The following CACNG3 variants were observed in gnomAD, a reference collection of about 807,000 sequenced individuals.
The protein encoded by CACNG3 is calcium voltage-gated channel auxiliary subunit gamma 3.
In CACNG3, 3 loss-of-function variants were observed where a neutral mutation model predicts 28.5. The observed-to-expected ratio is 0.11, with a 90% confidence interval of 0.05 to 0.27. CACNG3 has a LOEUF of 0.27. Among genes scored for constraint, CACNG3 ranks in the 10% least tolerant of loss-of-function variants. CACNG3 has a pLI of 1.00. For synonymous variants in CACNG3, 174 were observed against 162.2 expected, an observed-to-expected ratio of 1.07 and a Z score of -0.55; for missense variants, 236 against 414.4, an observed-to-expected ratio of 0.57 and a Z score of 3.74.
At chr16:24,257,144 G>T (rs1021071553) in intron 1 of CACNG3, among the ~76,000 whole-genome samples, 179 bp downstream of exon 1, 1 of 151,894 alleles carries the variant, frequency 6.6e-6, no homozygotes. Flanking sequence ...AAAGGGGTTG[G>T]GTCTTGTTGA....
rs777123441 is a variant in CACNG3 at position 24,256,778 on chromosome 16, C to T, written c.24C>T (p.Ile8=). MRMCDRG[I]QMLITTVGAF... is the part of the protein sequence containing the mutation. ...TTATGAGGATGTGTGACAGAGGTAT[C>T]CAGATGTTGATCACCACTGTAGGAG... is the stretch of plus-strand genomic sequence containing the variant. The change falls in exon 1 of 4, where the codon ATC becomes ATT. Residue 8 remains isoleucine (I), a synonymous_variant. Transcript: ENST00000005284. The surrounding 1 kb of genome is among the most constrained non-coding windows in gnomAD (Gnocchi z 4.6). The T allele has an allele frequency of 2.5e-6, 4 of 1,612,726 alleles. No homozygotes were observed. The highest frequency in any genetic ancestry group is 3.4e-6 in the Non-Finnish European group (4 of 1,178,730).
intron 1 of CACNG3, among the ~76,000 whole-genome samples, chr16:24,346,406 T>A (rs1330137409): frequency 6.6e-6 from 1 of 152,050 alleles, no homozygotes; most frequent in African/African-American, 2.4e-5. Flanking sequence ...GACCTTTTGT[T>A]GTCACTATCA....
intron 1 of CACNG3, among the ~76,000 whole-genome samples, chr16:24,273,571 G>C (rs1898716210): frequency 6.6e-6 from 1 of 152,082 alleles, no homozygotes; most frequent in Non-Finnish European, 1.5e-5. Flanking sequence ...CCATGCTTGG[G>C]CTACGGATCG....
At chr16:24,317,704 GA>G (rs1328326965) in intron 1 of CACNG3, among the ~76,000 whole-genome samples, 159 of 107,116 alleles carry the variant, frequency 1.5e-3, no homozygotes, top group Non-Finnish European at 1.5e-3. Flanking sequence ...AAGAAAGAAA[GA>G]AAGAAAGAAA....
chr16:24,258,000 A>G (rs1437947819), intron 1 of CACNG3, among the ~76,000 whole-genome samples: 2 of 152,134 alleles, frequency 1.3e-5, no homozygotes, highest in Non-Finnish European at 2.9e-5. Flanking sequence ...AAGTCACTGG[A>G]TTAGAGGGGC....
chr16:24,262,345 C>T (rs1898546379), intron 1 of CACNG3, among the ~76,000 whole-genome samples: 1 of 152,142 alleles, frequency 6.6e-6, no homozygotes, highest in African/African-American at 2.4e-5. Flanking sequence ...AGGGAGTGAC[C>T]CTGACTGCGT....
chr16:24,310,678 T>C (rs191527992), intron 1 of CACNG3, among the ~76,000 whole-genome samples: 1 of 152,340 alleles, frequency 6.6e-6, no homozygotes. Flanking sequence ...GAGATAGGTA[T>C]TGTTGTTAAC....
chr16:24,312,402 C>G (rs1168395962), intron 1 of CACNG3, among the ~76,000 whole-genome samples: 1 of 152,136 alleles, frequency 6.6e-6, no homozygotes, highest in South Asian at 2.1e-4. Context: ...AGCTCTGTCA[C>G]TTGTTAGCTG....
intron 1 of CACNG3, among the ~76,000 whole-genome samples, chr16:24,263,335 C>A (rs1271773058): frequency 2.0e-5 from 3 of 152,222 alleles, no homozygotes; most frequent in Admixed American, 1.3e-4. Context: ...TTCCTCACTG[C>A]TGAATTGAAC....
chr16:24,271,027 T>C (rs986901767), intron 1 of CACNG3, among the ~76,000 whole-genome samples: 2 of 152,124 alleles, frequency 1.3e-5, no homozygotes, highest in African/African-American at 2.4e-5. Flanking sequence ...CAGTTTAGGA[T>C]AGTGCAGGCC....
intron 1 of CACNG3, among the ~76,000 whole-genome samples, chr16:24,270,869 G>T (rs903684098): frequency 3.3e-5 from 5 of 152,212 alleles, no homozygotes; most frequent in African/African-American, 1.2e-4. Context: ...TGAAGCAGGT[G>T]AGAGGCAAAG....
In CACNG3 at chr16:24,339,526, T is replaced by C. The variant is rs533091453; in HGVS notation, c.212-7208T>C. Reference sequence around the variant, plus strand: ...TCGGCACCCTGAGTATCTGGGACTATAGGTGCCCGCCACCACGCCCAGCTA... The same window carrying C: ...TCGGCACCCTGAGTATCTGGGACTACAGGTGCCCGCCACCACGCCCAGCTA... On this transcript the variant is annotated intron_variant, in intron 1 of 3. Coordinates refer to ENST00000005284, the MANE Select transcript of CACNG3 (RefSeq NM_006539.4). Among the ~76,000 whole-genome samples the C allele has an allele frequency of 1.7e-3, 258 of 152,116 alleles. 2 individuals are homozygous for C. Among genetic ancestry groups the C allele is most frequent in the African/African-American group, 6.0e-3 (250 of 41,508 alleles).
chr16:24,265,386 AGAAAG>A (rs2141344968), intron 1 of CACNG3, among the ~76,000 whole-genome samples: 7 of 150,956 alleles, frequency 4.6e-5, no homozygotes, highest in African/African-American at 4.9e-5. Flanking sequence ...AAGAAAGAAA[AGAAAG>A]AAGAAAGAAA....
At chr16:24,323,472 A>T (rs1899493843) in intron 1 of CACNG3, among the ~76,000 whole-genome samples, 1 of 152,186 alleles carries the variant, frequency 6.6e-6, no homozygotes, top group African/African-American at 2.4e-5. Context: ...GGATAGCAGC[A>T]TTACACCTAT....
At chr16:24,317,834 A>G (rs12919377) in intron 1 of CACNG3, among the ~76,000 whole-genome samples, 58,314 of 151,902 alleles carry the variant, frequency 0.38, 11,843 homozygotes, top group African/African-American at 0.5. Context: ...CCCCACTCCT[A>G]GGGATTCTGC....
intron 1 of CACNG3, among the ~76,000 whole-genome samples, chr16:24,297,378 C>A (rs1378369357): frequency 6.6e-6 from 1 of 152,116 alleles, no homozygotes; most frequent in African/African-American, 2.4e-5. Context: ...TGAAGCTGCT[C>A]TGGGGATCCT....
Position 24,354,838 on chromosome 16 carries a change from G to A in CACNG3, c.301G>A (p.Val101Met), listed in dbSNP as rs1477040658. ...QDTAEYLLRA[V>M]RASSVFPILS... The stretch of plus-strand genomic sequence containing the variant: ...CTCTCTCCTTCTCTCCGCAGGAGCT[G>A]TGAGGGCCTCCAGTGTCTTCCCCAT... Residue 101 changes from valine (V) to methionine (M), a missense_variant, in exon 3 of 4, where the codon GTG becomes ATG. This residue lies in a region of CACNG3 where 120 missense variants were observed against 263.4 expected (regional missense o/e 0.46). Transcript: ENST00000005284. 5 of 1,612,102 alleles carry A rather than the reference G, an allele frequency of 3.1e-6. No homozygotes were observed. In the East Asian group the frequency reaches 1.1e-4, roughly 36 times the overall value.
intron 1 of CACNG3, among the ~76,000 whole-genome samples, chr16:24,267,539 T>C (rs1040092541): frequency 3.3e-5 from 5 of 152,204 alleles, no homozygotes; most frequent in Non-Finnish European, 4.4e-5. Context: ...TCTCCCACCG[T>C]GGCCTCCCAA....
At chr16:24,327,733 A>C (rs1899577428) in intron 1 of CACNG3, among the ~76,000 whole-genome samples, 1 of 151,830 alleles carries the variant, frequency 6.6e-6, no homozygotes, top group South Asian at 2.1e-4. Context: ...CTTGAGGCCA[A>C]GAGTTCAAGG....
Sources: allele counts gnomAD v4.1 joint callset (sites outside exome capture counted in the v4.1 genomes callset), GRCh38; gene constraint gnomAD v4.1.1; regional missense constraint gnomAD v4.1.1; non-coding constraint Gnocchi (gnomAD v3.1); transcripts MANE v1.5; gene names NCBI Gene and HGNC (gene_info 2026-07-23, HGNC 2026-07-21).